The following GABBR2 variants were observed in gnomAD, a reference collection of about 807,000 sequenced individuals.
GABBR2 encodes the protein gamma-aminobutyric acid type B receptor subunit 2.
In GABBR2, 23 loss-of-function variants were observed where a neutral mutation model predicts 105.6. The ratio of observed to expected loss-of-function variants is 0.22; its 90% CI spans 0.16 to 0.31. The LOEUF is 0.31. Ranked by LOEUF, GABBR2 falls within the 10% of genes least tolerant of loss-of-function variation. The pLI, the probability that GABBR2 is intolerant of heterozygous loss-of-function variation, is 1.00. For synonymous variants in GABBR2, 478 were observed against 499.7 expected, an observed-to-expected ratio of 0.96 and a Z score of 0.58; for missense variants, 734 against 1,245.5, an observed-to-expected ratio of 0.59 and a Z score of 6.18.
rs1475758913 is a variant in GABBR2 at position 98,559,818 on chromosome 9, C to G, written c.460-17775G>C. ...CTGTACAAACTACAGTACATCCATA[C>G]AAAGCAGGGCTGTGCATCTGTGAAA... On this transcript the variant is annotated intron_variant, in intron 2 of 18. Coordinates refer to ENST00000259455, the MANE Select transcript of GABBR2 (RefSeq NM_005458.8). 3.3e-5 allele frequency among the ~76,000 whole-genome samples: 5 copies of G among 150,402 alleles called. No homozygotes were observed. The Admixed American group carries it at 3.3e-4, about 10-fold the overall frequency.
chr9:98,484,419 T>C (rs1188695192), intron 4 of GABBR2, among the ~76,000 whole-genome samples: 1 of 149,398 alleles, frequency 6.7e-6, no homozygotes, highest in Non-Finnish European at 1.5e-5. Flanking sequence ...TGGAGACAGA[T>C]CCTATGCAGA....
At chr9:98,651,467 C>T (rs941718925) in intron 1 of GABBR2, among the ~76,000 whole-genome samples, 11 of 151,988 alleles carry the variant, frequency 7.2e-5, no homozygotes, top group Non-Finnish European at 1.0e-4. Context: ...CAGAATCTCA[C>T]TCTGTTGCCA....
chr9:98,675,062 C>A (rs763305662), intron 1 of GABBR2, among the ~76,000 whole-genome samples: 1 of 152,146 alleles, frequency 6.6e-6, no homozygotes, highest in Non-Finnish European at 1.5e-5. Context: ...CTTCCCCAGG[C>A]CTCTTAGAGG....
Position 98,575,090 on chromosome 9 carries a change from C to A in GABBR2, c.459+2845G>T, listed in dbSNP as rs373887513. Among the ~76,000 whole-genome samples, 10 of 144,342 alleles carry A rather than the reference C, an allele frequency of 6.9e-5. No homozygotes were observed. In the East Asian group the frequency reaches 1.2e-3, roughly 18 times the overall value. The allele number at this position is 144,342 out of a possible 152,430, so 94.7% of individuals were successfully genotyped here. A position where few individuals can be genotyped will look rare whatever the true frequency, so the allele number is the denominator to read the frequency against. On this transcript the variant is annotated intron_variant, in intron 2 of 18. Transcript: ENST00000259455. ...ACAAACATTTATAAACACCACCACC[C>A]CCCCCCAAATCTGCAAAACCCTAAG...
At chr9:98,329,389 CACAG>C (rs756595289) in intron 13 of GABBR2, among the ~76,000 whole-genome samples, 3 of 152,364 alleles carry the variant, frequency 2.0e-5, no homozygotes, top group Non-Finnish European at 2.9e-5. Flanking sequence ...CACCTAGTCA[CACAG>C]ACAATTGTTA....
At chr9:98,312,050 T>C (rs1354146751) in intron 13 of GABBR2, among the ~76,000 whole-genome samples, 4 of 152,254 alleles carry the variant, frequency 2.6e-5, no homozygotes, top group African/African-American at 9.6e-5. Context: ...CCTTCACCCC[T>C]GAATATCCTA....
intron 1 of GABBR2, among the ~76,000 whole-genome samples, chr9:98,657,122 T>C (rs367848813): frequency 1.5e-4 from 23 of 152,346 alleles, no homozygotes; most frequent in East Asian, 9.6e-4. Flanking sequence ...TAACAATCAA[T>C]TGGAACTGAG....
chr9:98,643,422 T>C (rs1373607130), intron 1 of GABBR2, among the ~76,000 whole-genome samples: 1 of 152,252 alleles, frequency 6.6e-6, no homozygotes, highest in Non-Finnish European at 1.5e-5. Flanking sequence ...TGGTTCCAGT[T>C]GCATAGTGGA....
chr9:98,661,510 C>A (rs1334699128), intron 1 of GABBR2, among the ~76,000 whole-genome samples: 1 of 152,126 alleles, frequency 6.6e-6, no homozygotes, highest in African/African-American at 2.4e-5. Flanking sequence ...AAGTGATTCT[C>A]CTGCCTCACC....
At chr9:98,358,306 T>G (rs549304014) in intron 13 of GABBR2, among the ~76,000 whole-genome samples, 10 of 152,352 alleles carry the variant, frequency 6.6e-5, no homozygotes, top group African/African-American at 2.4e-4. Flanking sequence ...GTTGTGCCAA[T>G]GTACACTGGA....
chr9:98,707,669 C>T (rs1454630163), intron 1 of GABBR2, among the ~76,000 whole-genome samples: 1 of 152,230 alleles, frequency 6.6e-6, no homozygotes, highest in East Asian at 1.9e-4. Flanking sequence ...AAACTGCCTG[C>T]AGCCGCCCGG....
intron 6 of GABBR2, among the ~76,000 whole-genome samples, chr9:98,465,101 C>T (rs1402605909): frequency 5.8e-5 from 4 of 69,044 alleles, no homozygotes; most frequent in Non-Finnish European, 1.1e-4. Flanking sequence ...GAGAAACACC[C>T]AAGAATGATC....
At chr9:98,650,489 T>A (rs532709935) in intron 1 of GABBR2, among the ~76,000 whole-genome samples, 1 of 152,234 alleles carries the variant, frequency 6.6e-6, no homozygotes, top group South Asian at 2.1e-4. Flanking sequence ...AATGAGGTCA[T>A]CAGCAAAACC....
chr9:98,515,764 G>C (rs908864588), intron 3 of GABBR2, among the ~76,000 whole-genome samples: 1 of 148,172 alleles, frequency 6.7e-6, no homozygotes, highest in Non-Finnish European at 1.5e-5. Context: ...GACACACCAG[G>C]ATTGACTCTG....
chr9:98,701,195 G>T (rs145364711), intron 1 of GABBR2, among the ~76,000 whole-genome samples: 46 of 152,276 alleles, frequency 3.0e-4, no homozygotes, highest in African/African-American at 9.6e-4. Context: ...CACAAAGAAG[G>T]TCCCTTTAAA....
intron 1 of GABBR2, among the ~76,000 whole-genome samples, chr9:98,644,774 G>A (rs572306020): frequency 2.0e-5 from 3 of 152,174 alleles, no homozygotes; most frequent in Non-Finnish European, 4.4e-5. Flanking sequence ...AGAGGCTGCA[G>A]TAAGCCAAGA....
intron 1 of GABBR2, among the ~76,000 whole-genome samples, chr9:98,669,411 C>T (rs1422952717): frequency 6.6e-6 from 1 of 152,172 alleles, no homozygotes; most frequent in Non-Finnish European, 1.5e-5. Context: ...GTTGTTCTGA[C>T]ATTTAAACTT....
At chr9:98,580,164 T>A (rs1828981834) in intron 1 of GABBR2, among the ~76,000 whole-genome samples, 1 of 152,104 alleles carries the variant, frequency 6.6e-6, no homozygotes, top group Non-Finnish European at 1.5e-5. Flanking sequence ...TCAAAAGCAT[T>A]TTCCTTCCCA....
At chr9:98,602,032 G>A (rs1414719459) in intron 1 of GABBR2, among the ~76,000 whole-genome samples, 2 of 152,006 alleles carry the variant, frequency 1.3e-5, no homozygotes, top group South Asian at 2.1e-4. Flanking sequence ...ACAGAGTCTT[G>A]CTCTGTCACA....
Sources: gnomAD v4.1 joint callset for allele counts (sites outside exome capture counted in the v4.1 genomes callset) on GRCh38, gnomAD v4.1.1 for gene constraint, MANE v1.5 for transcripts, NCBI Gene and HGNC (gene_info 2026-07-23, HGNC 2026-07-21) for gene names.